Variants in HECW1 observed in about 807,000 individuals in gnomAD.
HECW1 encodes the protein HECT, C2 and WW domain containing E3 ubiquitin protein ligase 1.
Under a neutral mutation model 182.3 loss-of-function variants are expected in HECW1, and 61 were observed. The observed-to-expected ratio is 0.33, with a 90% CI of 0.27 to 0.41. The LOEUF is 0.41. Ranked by LOEUF, HECW1 falls within the 10% of genes least tolerant of loss-of-function variation. The probability of loss-of-function intolerance (pLI) is 1.00; values close to 1 mark genes in which losing one functional copy is unlikely to be tolerated. For missense variants in HECW1, 1,739 were observed against 2,108.9 expected (o/e 0.82, Z 3.44); for synonymous variants, 859 against 832.6 (o/e 1.03, Z -0.55).
intron 12 of HECW1, among the ~76,000 whole-genome samples, chr7:43,452,541 C>T (rs2077268980): frequency 6.6e-6 from 1 of 152,198 alleles, no homozygotes; most frequent in African/African-American, 2.4e-5. Context: ...TACCTTATTG[C>T]TGATATTCAT....
chr7:43,320,982 T>C (rs1029297225), intron 5 of HECW1, among the ~76,000 whole-genome samples: 1 of 152,158 alleles, frequency 6.6e-6, no homozygotes, highest in African/African-American at 2.4e-5. Flanking sequence ...AAAGAGTTGG[T>C]TCCTATTCAT....
At chr7:43,170,761 C>A (rs1394685835) in intron 2 of HECW1, among the ~76,000 whole-genome samples, 3 of 152,128 alleles carry the variant, frequency 2.0e-5, no homozygotes, top group East Asian at 3.8e-4. Context: ...TGCCAGCTAT[C>A]CAGTGAGGGA....
intron 2 of HECW1, among the ~76,000 whole-genome samples, chr7:43,138,135 A>G (rs1490159055): frequency 1.3e-5 from 2 of 152,210 alleles, no homozygotes; most frequent in South Asian, 2.1e-4. Context: ...TCTAGCTGTA[A>G]AAGTCAGAAT....
At chr7:43,546,480 A>T (rs1282748592) in intron 26 of HECW1, among the ~76,000 whole-genome samples, 3 of 151,934 alleles carry the variant, frequency 2.0e-5, no homozygotes, top group Admixed American at 2.0e-4. Context: ...TGTCATGTGT[A>T]ATGAGACATA....
chr7:43,504,977 C>T (rs561970096), intron 21 of HECW1, among the ~76,000 whole-genome samples: 9 of 152,326 alleles, frequency 5.9e-5, no homozygotes, highest in African/African-American at 1.9e-4. Flanking sequence ...TCTCCGGCAG[C>T]GTGTAACATG....
rs2079878759 is a variant in HECW1, at chr7:43,511,672, TAAC to T, written c.4019+2554_4019+2556del. 4.5e-5 allele frequency: 7 copies of T among 155,364 alleles called. No individual in the cohort carries two copies. In the South Asian group the frequency reaches 1.4e-3, roughly 32 times the overall value. The allele number at this position is 155,364 out of a possible 1,614,324, so 9.6% of individuals were successfully genotyped here. ...AGCCCTGATCAGCTTTGGGACATCT[TAAC>T]AAAACCATGATGCTGCAGTTATTCC... On this transcript the variant is annotated intron_variant, in intron 24 of 29. Transcript: ENST00000395891.
At chr7:43,457,302 A>G (rs1186732822) in intron 13 of HECW1, among the ~76,000 whole-genome samples, 1 of 152,196 alleles carries the variant, frequency 6.6e-6, no homozygotes, top group Admixed American at 6.5e-5. Flanking sequence ...AATTGCACCC[A>G]CATGCTGTCT....
intron 6 of HECW1, among the ~76,000 whole-genome samples, chr7:43,392,838 G>A (rs2075090780): frequency 6.6e-6 from 1 of 152,192 alleles, no homozygotes; most frequent in Non-Finnish European, 1.5e-5. Flanking sequence ...TCTCCGGACT[G>A]CTGAAACAGA....
intron 2 of HECW1, among the ~76,000 whole-genome samples, chr7:43,115,816 T>C (rs1044230011): frequency 6.6e-5 from 10 of 152,242 alleles, no homozygotes; most frequent in African/African-American, 2.4e-4. Flanking sequence ...TTCTCCTGTT[T>C]TCCCATAGCC....
At chr7:43,224,905 C>T (rs1354963915) in intron 2 of HECW1, among the ~76,000 whole-genome samples, 1 of 152,104 alleles carries the variant, frequency 6.6e-6, no homozygotes, top group African/African-American at 2.4e-5. Flanking sequence ...GAGGGAGTGG[C>T]TGGGAGAGGC....
intron 7 of HECW1, among the ~76,000 whole-genome samples, chr7:43,406,771 C>A (rs1482268163): frequency 6.6e-6 from 1 of 151,922 alleles, no homozygotes; most frequent in African/African-American, 2.4e-5. Context: ...TACAAAAATT[C>A]TCCAGGCATG....
chr7:43,411,233 T>A (rs946724877), intron 8 of HECW1, among the ~76,000 whole-genome samples: 2 of 152,178 alleles, frequency 1.3e-5, no homozygotes, highest in South Asian at 2.1e-4. Flanking sequence ...TATTCCTTCT[T>A]TGACCCATGG....
intron 2 of HECW1, among the ~76,000 whole-genome samples, chr7:43,187,276 G>T (rs544087515): frequency 1.3e-5 from 2 of 152,268 alleles, no homozygotes; most frequent in African/African-American, 4.8e-5. Flanking sequence ...CCCAGAAGTC[G>T]CACATCACTT....
chr7:43,553,941 C>T (rs917101704), intron 28 of HECW1, among the ~76,000 whole-genome samples: 2 of 152,224 alleles, frequency 1.3e-5, no homozygotes, highest in Non-Finnish European at 2.9e-5. Flanking sequence ...TAGATTTCTC[C>T]TCTCTCTGAA....
chr7:43,120,760 C>T (rs528052397), intron 2 of HECW1, among the ~76,000 whole-genome samples: 2 of 152,300 alleles, frequency 1.3e-5, no homozygotes, highest in African/African-American at 2.4e-5. Context: ...TTTTCTGCCT[C>T]AGCCTCCTGA....
In HECW1 at chr7:43,523,632, G is replaced by T. The variant is rs575485988; in HGVS notation, c.4019+14511G>T. 3.9e-5 allele frequency among the ~76,000 whole-genome samples: 6 copies of T among 152,094 alleles called. No individual in the cohort carries two copies. In the South Asian group the frequency reaches 1.2e-3, roughly 32 times the overall value. Reference sequence around the variant, plus strand: ...CCAGCCTGAGCAACAAGAGGGAAACGCCATCTCGAAAAAAAGAAAAGAGTC... The same window carrying T: ...CCAGCCTGAGCAACAAGAGGGAAACTCCATCTCGAAAAAAAGAAAAGAGTC... On this transcript the variant is annotated intron_variant, in intron 24 of 29. Coordinates refer to ENST00000395891, the MANE Select transcript of HECW1 (RefSeq NM_015052.5).
intron 2 of HECW1, among the ~76,000 whole-genome samples, chr7:43,194,655 A>G (rs1417787950): frequency 6.6e-6 from 1 of 151,652 alleles, no homozygotes; most frequent in Non-Finnish European, 1.5e-5. Context: ...GGATTCAACC[A>G]GGAAAATGCT....
In HECW1 at chr7:43,479,370, G is replaced by A. The variant is rs559084153; in HGVS notation, c.3100-240G>A. Among the ~76,000 whole-genome samples the A allele has an allele frequency of 7.9e-5, 12 of 152,276 alleles. No homozygotes were observed. In the East Asian group the frequency reaches 2.3e-3, roughly 29 times the overall value. ...TCTAATGGCACCACTGATCTGACAG[G>A]AGGTGGAGCTCAAGTGGTAATGCTC... On this transcript the variant is annotated intron_variant, in intron 16 of 29. Transcript: ENST00000395891.
chr7:43,445,389 G>C lies in HECW1; in HGVS notation c.2217G>C (p.Glu739Asp), dbSNP rs201575281. 196 of 1,613,416 alleles carry C rather than the reference G, an allele frequency of 1.2e-4. 2 individuals are homozygous for C. The South Asian group carries it at 1.2e-3, about 10-fold the overall frequency. Residue 739 changes from glutamate to aspartate, a missense_variant, in exon 11 of 30, where the codon GAG becomes GAC. Transcript: ENST00000395891. ...ESTVFSSQDDEEEENSAFESV... is the reference protein window; with the variant it reads ...ESTVFSSQDDDEEENSAFESV... ...CGGTCTTCTCCTCGCAAGACGACGAGGAGGAGGAGAACAGCGCGTTCGAGT... is the reference window on the plus strand; with the variant it reads ...CGGTCTTCTCCTCGCAAGACGACGACGAGGAGGAGAACAGCGCGTTCGAGT...
Sources: allele counts gnomAD v4.1 joint callset (sites outside exome capture counted in the v4.1 genomes callset), GRCh38; gene constraint gnomAD v4.1.1; transcripts MANE v1.5; gene names NCBI Gene and HGNC (gene_info 2026-07-23, HGNC 2026-07-21).